The following AKAP10 variants were observed in gnomAD, a reference collection of about 807,000 sequenced individuals.
The protein encoded by AKAP10 is A-kinase anchoring protein 10.
AKAP10 carries 24 observed loss-of-function variants against 80.8 expected under a neutral mutation model. The observed-to-expected ratio is 0.30, with a 90% CI of 0.22 to 0.42. The LOEUF is 0.42. Among genes scored for constraint, AKAP10 ranks in the 10% least tolerant of loss-of-function variants. The pLI is 1.00. For synonymous variants in AKAP10, 291 were observed against 277.7 expected (o/e 1.05, Z -0.48); for missense variants, 661 against 794.9 (o/e 0.83, Z 2.03).
intron 5 of AKAP10, among the ~76,000 whole-genome samples, chr17:19,946,219 A>ATT (rs1555576578): frequency 1.1e-4 from 3 of 26,696 alleles, no homozygotes; most frequent in African/African-American, 2.5e-4. Context: ...ATATATATAT[A>ATT]TTTTATATAT....
rs960131294 is a variant in AKAP10 at position 19,917,290 on chromosome 17, C to CA, written c.1834+2745dup. ...AGGAAAAAAAAACAAAACAAACAAACAAAAAAAAACAGCTCAGAGATTTTC... is the reference window on the plus strand; with the variant it reads ...AGGAAAAAAAAACAAAACAAACAAACAAAAAAAAAACAGCTCAGAGATTTTC... On this transcript the variant is annotated intron_variant, in intron 12 of 14. Coordinates refer to ENST00000225737, the MANE Select transcript of AKAP10 (RefSeq NM_007202.4). 2.5e-3 allele frequency among the ~76,000 whole-genome samples: 377 copies of CA among 150,072 alleles called. 2 individuals are homozygous for CA. Among genetic ancestry groups the CA allele is most frequent in the African/African-American group, 8.3e-3 (338 of 40,878 alleles).
At position 19,930,960 on chromosome 17, in the gene AKAP10, C is replaced by T. The variant is rs146005265; in HGVS notation, c.1641+845G>A. 1.5e-3 allele frequency among the ~76,000 whole-genome samples: 231 copies of T among 152,152 alleles called. 2 individuals carry two copies. Among genetic ancestry groups the T allele is most frequent in the African/African-American group, 5.2e-3 (216 of 41,504 alleles). ...TCCCGACCTCGTGATCTGCCTGCCT[C>T]GGTCTCCCAAAGTGCTGGGATTACA... On this transcript the variant is annotated intron_variant, in intron 10 of 14. Coordinates refer to ENST00000225737, the MANE Select transcript of AKAP10 (RefSeq NM_007202.4).
chr17:19,952,277 A>G (rs1394630294), intron 4 of AKAP10, among the ~76,000 whole-genome samples: 4 of 151,860 alleles, frequency 2.6e-5, no homozygotes, highest in African/African-American at 9.7e-5. Context: ...GAGCCTGGCT[A>G]ACATGGTGAA....
At chr17:19,917,219 C>T (rs533511614) in intron 12 of AKAP10, among the ~76,000 whole-genome samples, 2 of 151,700 alleles carry the variant, frequency 1.3e-5, no homozygotes, top group East Asian at 3.9e-4. Flanking sequence ...GAGCCAAGAT[C>T]GCGCCACAGC....
chr17:19,974,116 C>A (rs1221117863), intron 1 of AKAP10, among the ~76,000 whole-genome samples: 1 of 152,054 alleles, frequency 6.6e-6, no homozygotes, highest in African/African-American at 2.4e-5. Flanking sequence ...CACTTGAACC[C>A]AGGAGGCGGA....
chr17:19,946,283 T>TG (rs2043129578), intron 5 of AKAP10, among the ~76,000 whole-genome samples: 5 of 46,514 alleles, frequency 1.1e-4, no homozygotes, highest in African/African-American at 3.3e-4. Context: ...ATATTTTTTT[T>TG]TTTTTTTTTT....
At chr17:19,917,892 A>G (rs536029316) in intron 12 of AKAP10, among the ~76,000 whole-genome samples, 1 of 149,204 alleles carries the variant, frequency 6.7e-6, no homozygotes, top group Admixed American at 6.7e-5. Context: ...ACAGAGCTAG[A>G]CTCTGTCCCC....
chr17:19,976,708 G>A (rs2043572424), intron 1 of AKAP10, among the ~76,000 whole-genome samples: 1 of 152,024 alleles, frequency 6.6e-6, no homozygotes, highest in African/African-American at 2.4e-5. Context: ...AGTAGACACG[G>A]GGTTTCTCCA....
chr17:19,904,697 T>C lies in AKAP10; in HGVS notation c.*1530A>G, dbSNP rs2042614660. The C allele has an allele frequency of 6.6e-6, 1 of 152,102 alleles. No homozygotes were observed. Among genetic ancestry groups the C allele is most frequent in the Admixed American group, 6.6e-5 (1 of 15,248 alleles). The allele number at this position is 152,102 out of a possible 1,614,324, so 9.4% of individuals were successfully genotyped here. A position where few individuals can be genotyped will look rare whatever the true frequency, so the allele number is the denominator to read the frequency against. ...TTTTTAGAAAGCAAATGAAAATATT[T>C]GGAAAGATCAATATATTTCAACAGA... On this transcript the variant is annotated 3_prime_UTR_variant, in exon 15 of 15. Transcript: ENST00000225737.
chr17:19,940,810 C>G, intron 7 of AKAP10, 77 bp downstream of exon 7: 1 of 1,461,906 alleles, frequency 6.8e-7, no homozygotes, highest in Admixed American at 2.6e-5. Context: ...GTGTTATTTC[C>G]TATAGACAGG....
Position 19,946,275 on chromosome 17 carries a change from ATTTTTTTTTTTTTT to A in AKAP10, c.976+1118_976+1131del, listed in dbSNP as rs71157846. On this transcript the variant is annotated intron_variant, in intron 5 of 14. Transcript: ENST00000225737. ...TATATATATATATATATATATATAT[ATTTTTTTTTTTTTT>A]TTTTTTTTTTGGCAGGGGGTGAGGG... 9.3e-4 allele frequency among the ~76,000 whole-genome samples: 12 copies of A among 12,944 alleles called. 1 individual carries two copies. The highest frequency in any genetic ancestry group is 3.4e-3 in the South Asian group (1 of 292). 8.5% of individuals were successfully genotyped at this position (12,944 alleles called of 152,430 possible). A position where few individuals can be genotyped will look rare whatever the true frequency, so the allele number is the denominator to read the frequency against.
At chr17:19,953,041 A>C (rs984997633) in intron 4 of AKAP10, among the ~76,000 whole-genome samples, 7 of 152,108 alleles carry the variant, frequency 4.6e-5, no homozygotes, top group Non-Finnish European at 1.0e-4. Flanking sequence ...AAAATTAATA[A>C]ATGAAATCAT....
chr17:19,927,958 G>A (rs1009375447), intron 10 of AKAP10, among the ~76,000 whole-genome samples: 5 of 151,542 alleles, frequency 3.3e-5, no homozygotes, highest in African/African-American at 7.3e-5. Context: ...AATGGCTCAC[G>A]CCTGTAATCC....
rs1170659620 is a variant in AKAP10 at position 19,947,471 on chromosome 17, T to C, written c.912A>G (p.Lys304=). The stretch of plus-strand genomic sequence containing the variant: ...GTTTAGCAGCATCTGGAGATATATA[T>C]TTGGTAAAAGTATTCACTGCATCTT... The part of the protein sequence containing the change: ...IEQDAVNTFT[K]YISPDAAKPI... Residue 304 remains lysine, a synonymous_variant, in exon 5 of 15, where the codon AAA becomes AAG. Coordinates refer to ENST00000225737, the MANE Select transcript of AKAP10 (RefSeq NM_007202.4). The C allele has an allele frequency of 2.5e-6, 4 of 1,613,314 alleles. No homozygotes were observed. The highest frequency in any genetic ancestry group is 2.2e-5 in the South Asian group (2 of 91,064).
intron 4 of AKAP10, among the ~76,000 whole-genome samples, chr17:19,949,510 G>A (rs781588057): frequency 2.6e-5 from 4 of 152,102 alleles, no homozygotes; most frequent in Non-Finnish European, 2.9e-5. Context: ...GGTGGCTCAC[G>A]CCTGTAATCC....
intron 11 of AKAP10, among the ~76,000 whole-genome samples, chr17:19,923,455 T>C (rs958159656): frequency 6.6e-6 from 1 of 152,146 alleles, no homozygotes; most frequent in Admixed American, 6.5e-5. Context: ...GCTTTCCAAA[T>C]ACAATGTGGT....
chr17:19,906,337 C>T (rs1301138198), intron 14 of AKAP10, 105 bp from the exon 15 acceptor site: 2 of 1,289,286 alleles, frequency 1.6e-6, no homozygotes, highest in Non-Finnish European at 2.2e-6. Context: ...TACTATATAC[C>T]AGAGTTTAAG....
chr17:19,910,973 T>C (rs899869175), intron 12 of AKAP10, among the ~76,000 whole-genome samples: 1 of 152,238 alleles, frequency 6.6e-6, no homozygotes, highest in Non-Finnish European at 1.5e-5. Context: ...AATTTGAACA[T>C]GCTCACTTCC....
rs371047420 is a variant in AKAP10 at position 19,950,925 on chromosome 17, C to T, written c.878-3420G>A. 3.2e-4 allele frequency among the ~76,000 whole-genome samples: 48 copies of T among 150,768 alleles called. No homozygotes were observed. The East Asian group carries it at 8.5e-3, about 27-fold the overall frequency. Reference sequence around the variant, plus strand: ...GGGGACCACCTCTGCCCCGCCGCCCCGTCTGGGATGGGAGGAGCGCCTCTG... The same window carrying T: ...GGGGACCACCTCTGCCCCGCCGCCCTGTCTGGGATGGGAGGAGCGCCTCTG... On this transcript the variant is annotated intron_variant, in intron 4 of 14. Transcript: ENST00000225737.
Sources: gnomAD v4.1 joint callset for allele counts (sites outside exome capture counted in the v4.1 genomes callset) on GRCh38, gnomAD v4.1.1 for gene constraint, MANE v1.5 for transcripts, NCBI Gene and HGNC (gene_info 2026-07-23, HGNC 2026-07-21) for gene names.